SLC16A10: variants seen among roughly 807,000 people sequenced by gnomAD.
The protein encoded by SLC16A10 is monocarboxylate transporter 10.
SLC16A10 carries 27 observed loss-of-function variants against 40.0 expected under a neutral mutation model. The observed-to-expected ratio is 0.67, with a 90% CI of 0.50 to 0.93. The LOEUF (loss-of-function observed/expected upper bound fraction) is 0.93, where lower values mean the gene tolerates loss of function less well. SLC16A10 is among the 40% of genes least tolerant of loss of function. The pLI is 0.00. For synonymous variants in SLC16A10, 213 were observed against 249.8 expected, an observed-to-expected ratio of 0.85 and a Z score of 1.39; for missense variants, 529 against 658.2, an observed-to-expected ratio of 0.80 and a Z score of 2.15.
At chr6:111,216,292 A>G (rs754856032) in intron 4 of SLC16A10, among the ~76,000 whole-genome samples, 1 of 152,210 alleles carries the variant, frequency 6.6e-6, no homozygotes. Flanking sequence ...TGCATTGGAG[A>G]AAAGGATATT....
chr6:111,128,761 T>A (rs929456489), intron 1 of SLC16A10, among the ~76,000 whole-genome samples: 7 of 152,190 alleles, frequency 4.6e-5, no homozygotes, highest in Non-Finnish European at 7.4e-5. Context: ...GGTTTTTTTT[T>A]ATTGCACAGA....
chr6:111,183,780 TAA>T (rs1485365047), intron 3 of SLC16A10, among the ~76,000 whole-genome samples: 1 of 152,246 alleles, frequency 6.6e-6, no homozygotes, highest in South Asian at 2.1e-4. Context: ...AATTTTAAGA[TAA>T]ATAGAAGAAA....
intron 4 of SLC16A10, among the ~76,000 whole-genome samples, chr6:111,214,971 T>C (rs1773397502): frequency 6.6e-6 from 1 of 151,794 alleles, no homozygotes; most frequent in Admixed American, 6.6e-5. Flanking sequence ...TACAAAAAAG[T>C]AGCCAGGCGT....
chr6:111,188,019 G>C (rs1163277206), intron 3 of SLC16A10, among the ~76,000 whole-genome samples: 3 of 152,168 alleles, frequency 2.0e-5, no homozygotes, highest in Non-Finnish European at 4.4e-5. Context: ...TCACTATAAG[G>C]TTCTGACAGA....
In SLC16A10 at chr6:111,156,332, A is replaced by G. The variant is rs74617081; in HGVS notation, c.344-16363A>G. Among the ~76,000 whole-genome samples, 7 of 152,354 alleles carry G rather than the reference A, an allele frequency of 4.6e-5. No individual in the cohort carries two copies. The East Asian group carries it at 1.4e-3, about 29-fold the overall frequency. On this transcript the variant is annotated intron_variant, in intron 1 of 5. Coordinates refer to ENST00000368851, the MANE Select transcript of SLC16A10 (RefSeq NM_018593.5). ...AGTGACTTCCTTCCAGGAGTGCAGT[A>G]TAAATAGGGAAAAGAAGACAACTTC...
chr6:111,205,366 G>A (rs1463086048), intron 3 of SLC16A10, among the ~76,000 whole-genome samples: 1 of 152,156 alleles, frequency 6.6e-6, no homozygotes, highest in Non-Finnish European at 1.5e-5. Context: ...AATGTGTGGT[G>A]TGGGGGACGG....
chr6:111,087,589 C>T lies in SLC16A10; in HGVS notation c.-164C>T. 1 of 278,748 alleles carries T rather than the reference C, an allele frequency of 3.6e-6. No individual in the cohort carries two copies. Among genetic ancestry groups the T allele is most frequent in the Non-Finnish European group, 6.4e-6 (1 of 156,230 alleles). 17.3% of individuals were successfully genotyped at this position (278,748 alleles called of 1,614,324 possible). On this transcript the variant is annotated 5_prime_UTR_variant, in exon 1 of 6. Transcript: ENST00000368851. ...CGCCAGCTGTCCTCGCGGCCGCCTG[C>T]GCGCTGGCCGCCTGCGCGCTGCCAG... is the stretch of plus-strand genomic sequence containing the variant.
At chr6:111,157,299 T>G (rs1378015649) in intron 1 of SLC16A10, among the ~76,000 whole-genome samples, 2 of 151,984 alleles carry the variant, frequency 1.3e-5, no homozygotes, top group African/African-American at 4.8e-5. Flanking sequence ...TGTTGTTGTT[T>G]TTGAGATGGA....
At chr6:111,107,319 A>G (rs2114451414) in intron 1 of SLC16A10, among the ~76,000 whole-genome samples, 1 of 152,342 alleles carries the variant, frequency 6.6e-6, no homozygotes, top group East Asian at 1.9e-4. Flanking sequence ...AAAAGCGCCT[A>G]TCAGGGTAAC....
At position 111,230,369 on chromosome 6, in the gene SLC16A10, A is replaced by G. The variant is rs1771092120; in HGVS notation, c.*8134A>G. On this transcript the variant is annotated 3_prime_UTR_variant, in exon 6 of 6. Transcript: ENST00000368851. The stretch of plus-strand genomic sequence containing the variant: ...TTTATAAATGTAAATTAAGAAGACA[A>G]TACACACTCTCATTTTCCTAATTAG... The G allele has an allele frequency of 6.6e-6, 1 of 152,300 alleles. No individual in the cohort carries two copies. Among genetic ancestry groups the G allele is most frequent in the South Asian group, 2.1e-4 (1 of 4,828 alleles). 9.4% of individuals were successfully genotyped at this position (152,300 alleles called of 1,614,324 possible).
At chr6:111,108,497 A>G (rs1043744986) in intron 1 of SLC16A10, among the ~76,000 whole-genome samples, 1 of 152,248 alleles carries the variant, frequency 6.6e-6, no homozygotes, top group East Asian at 1.9e-4. Flanking sequence ...ATCAACTCAC[A>G]AAAGTATCTT....
In SLC16A10 at chr6:111,220,099, C is replaced by T. The variant is rs1240736420; in HGVS notation, c.1315+1057C>T. 2.0e-5 allele frequency among the ~76,000 whole-genome samples: 3 copies of T among 152,194 alleles called. No individual in the cohort carries two copies. In the East Asian group the frequency reaches 5.8e-4, roughly 29 times the overall value. On this transcript the variant is annotated intron_variant, in intron 5 of 5. Transcript: ENST00000368851. ...GAGACCCTGTCTCAAAATAAAAGGT[C>T]ATATATCGTATGATTTATTTCATGT... is the stretch of plus-strand genomic sequence containing the variant.
chr6:111,198,014 C>T (rs892789362), intron 3 of SLC16A10, among the ~76,000 whole-genome samples: 27 of 152,234 alleles, frequency 1.8e-4, no homozygotes, highest in African/African-American at 5.8e-4. Flanking sequence ...AGGCTGGGCA[C>T]GGTGGCTCAC....
chr6:111,150,138 GC>G (rs1251185766), intron 1 of SLC16A10, among the ~76,000 whole-genome samples: 1 of 152,200 alleles, frequency 6.6e-6, no homozygotes, highest in Non-Finnish European at 1.5e-5. Context: ...GGCTATGAGG[GC>G]TCTGCCTTCA....
At chr6:111,143,694 G>A (rs1366606601) in intron 1 of SLC16A10, among the ~76,000 whole-genome samples, 1 of 152,092 alleles carries the variant, frequency 6.6e-6, no homozygotes, top group East Asian at 1.9e-4. Context: ...GAGTTGGTCA[G>A]GGGAGAATGA....
intron 1 of SLC16A10, among the ~76,000 whole-genome samples, chr6:111,091,972 T>A (rs1251267107): frequency 1.3e-5 from 2 of 152,114 alleles, no homozygotes; most frequent in Non-Finnish European, 2.9e-5. Context: ...AGACCAGAAG[T>A]AATAGAATAT....
At chr6:111,164,212 C>T (rs1312403571) in intron 1 of SLC16A10, among the ~76,000 whole-genome samples, 2 of 146,802 alleles carry the variant, frequency 1.4e-5, no homozygotes, top group Non-Finnish European at 2.9e-5. Flanking sequence ...AATTTAAATT[C>T]CCATGCCTTC....
intron 1 of SLC16A10, among the ~76,000 whole-genome samples, chr6:111,140,853 A>T (rs1333941415): frequency 6.6e-6 from 1 of 152,098 alleles, no homozygotes; most frequent in African/African-American, 2.4e-5. Context: ...TGATGCAATC[A>T]TGGTTCACTG....
intron 1 of SLC16A10, among the ~76,000 whole-genome samples, chr6:111,155,098 G>T (rs1772244567): frequency 6.6e-6 from 1 of 151,586 alleles, no homozygotes; most frequent in Admixed American, 6.6e-5. Flanking sequence ...GATCTCATCT[G>T]GGTTATGGAT....
Sources: allele counts gnomAD v4.1 joint callset (sites outside exome capture counted in the v4.1 genomes callset), GRCh38; gene constraint gnomAD v4.1.1; transcripts MANE v1.5; gene names NCBI Gene and HGNC (gene_info 2026-07-23, HGNC 2026-07-21).